The following TRPM6 variants were observed in gnomAD, a reference collection of about 807,000 sequenced individuals.
The protein encoded by TRPM6 is channel kinase 2.
A neutral mutation model predicts 247.6 loss-of-function variants in TRPM6; 111 were observed. The observed-to-expected ratio is 0.45, with a 90% CI of 0.38 to 0.52. The LOEUF (loss-of-function observed/expected upper bound fraction) is 0.52. TRPM6 is among the 20% of genes least tolerant of loss of function. TRPM6 has a pLI of 0.00. For synonymous variants in TRPM6, 892 were observed against 853.8 expected, an observed-to-expected ratio of 1.04 and a Z score of -0.78; for missense variants, 2,126 against 2,421.5, an observed-to-expected ratio of 0.88 and a Z score of 2.56.
At chr9:74,732,290 T>C (rs1340685675) in intron 37 of TRPM6, among the ~76,000 whole-genome samples, 5 of 152,202 alleles carry the variant, frequency 3.3e-5, no homozygotes, top group African/African-American at 1.2e-4. Context: ...AAGCATATGA[T>C]GGAAGATGCT....
intron 19 of TRPM6, among the ~76,000 whole-genome samples, chr9:74,789,860 C>A (rs1220340551): frequency 1.4e-5 from 2 of 147,566 alleles, no homozygotes; most frequent in Non-Finnish European, 3.0e-5. Flanking sequence ...ACTCAGGAGA[C>A]TGAGGCAAGA....
In TRPM6 at chr9:74,763,082, TAA is replaced by T; in HGVS notation, c.3587_3588del (p.Phe1196TyrfsTer33). On this transcript the variant is annotated frameshift_variant, in exon 26 of 39. Coordinates refer to ENST00000360774, the MANE Select transcript of TRPM6 (RefSeq NM_017662.5). LOFTEE classifies it high-confidence loss of function. ...QLKEMNEKVS[F>X]IKDSLLSLDS... is the part of the protein sequence containing the mutation. ...TCCAAAGACAGTAAGGAGTCCTTTA[TAA>T]AAGACACCTTTTCATTCATTTCTTT... The T allele has an allele frequency of 6.2e-7, 1 of 1,614,026 alleles. No individual in the cohort carries two copies. Among genetic ancestry groups the T allele is most frequent in the Non-Finnish European group, 8.5e-7 (1 of 1,180,024 alleles).
rs1826686444 is a variant in TRPM6, at chr9:74,762,606, A to G, written c.4065T>C (p.Pro1355=). Residue 1355 remains proline, a synonymous_variant, in exon 26 of 39, where the codon CCT becomes CCC. Coordinates refer to ENST00000360774, the MANE Select transcript of TRPM6 (RefSeq NM_017662.5). ...GAGGCAAGACAGTTTCTGCTGAAAA[A>G]GGAACTCGCTTTAGATTAGAGGGGA... ...LLVPSNLKRV[P]FSAETVLPLS... 2 of 1,614,090 alleles carry G rather than the reference A, an allele frequency of 1.2e-6. No homozygotes were observed. Among genetic ancestry groups the G allele is most frequent in the Non-Finnish European group, 8.5e-7 (1 of 1,180,048 alleles).
intron 27 of TRPM6, among the ~76,000 whole-genome samples, chr9:74,758,768 A>T (rs1217189359): frequency 2.0e-5 from 3 of 152,196 alleles, no homozygotes; most frequent in African/African-American, 7.2e-5. Context: ...ATATTATACC[A>T]GAGGTTCTGT....
chr9:74,886,900 C>T (rs1381492807), intron 1 of TRPM6, among the ~76,000 whole-genome samples: 1 of 152,202 alleles, frequency 6.6e-6, no homozygotes, highest in African/African-American at 2.4e-5. Flanking sequence ...ATGTTCTTAT[C>T]AGAGCAGGCT....
intron 19 of TRPM6, among the ~76,000 whole-genome samples, chr9:74,789,973 A>G (rs1827843414): frequency 1.1e-5 from 1 of 91,562 alleles, no homozygotes; most frequent in South Asian, 4.0e-4. Context: ...AAAAAAAAAA[A>G]AAAAAAAAAA....
rs192418648 is a variant in TRPM6 at position 74,871,193 on chromosome 9, A to C, written c.34-12445T>G. Among the ~76,000 whole-genome samples, 5 of 139,496 alleles carry C rather than the reference A, an allele frequency of 3.6e-5. No homozygotes were observed. The South Asian group carries it at 7.7e-4, about 21-fold the overall frequency. 91.5% of individuals were successfully genotyped at this position (139,496 alleles called of 152,430 possible). A position where few individuals can be genotyped will look rare whatever the true frequency, so the allele number is the denominator to read the frequency against. Reference sequence around the variant, plus strand: ...GCTCCTGGCAATTTTTTTCTAATAGATAATATTGCAAATGGTATAAAATCC... The same window carrying C: ...GCTCCTGGCAATTTTTTTCTAATAGCTAATATTGCAAATGGTATAAAATCC... On this transcript the variant is annotated intron_variant, in intron 1 of 38. Coordinates refer to ENST00000360774, the MANE Select transcript of TRPM6 (RefSeq NM_017662.5).
intron 3 of TRPM6, among the ~76,000 whole-genome samples, chr9:74,850,510 G>A (rs975160499): frequency 2.0e-5 from 3 of 148,294 alleles, no homozygotes; most frequent in East Asian, 2.1e-4. Flanking sequence ...ACATGAGGTC[G>A]GGAGTTCAAG....
rs1180094266 is a variant in TRPM6 at position 74,827,697 on chromosome 9, G to A, written c.841+81C>T. 6 of 1,448,230 alleles carry A rather than the reference G, an allele frequency of 4.1e-6. No homozygotes were observed. In the Admixed American group the frequency reaches 8.4e-5, roughly 20 times the overall value. The allele number at this position is 1,448,230 out of a possible 1,614,324, so 89.7% of individuals were successfully genotyped here. A position where few individuals can be genotyped will look rare whatever the true frequency, so the allele number is the denominator to read the frequency against. On this transcript the variant is annotated intron_variant, in intron 7 of 38. Transcript: ENST00000360774. Reference sequence around the variant, plus strand: ...TAGCTTGAGGGGACTAGGAGAGTGAGCTCTGATGGTCAGGGAAGACCATGA... The same window carrying A: ...TAGCTTGAGGGGACTAGGAGAGTGAACTCTGATGGTCAGGGAAGACCATGA...
intron 3 of TRPM6, among the ~76,000 whole-genome samples, chr9:74,847,271 G>A (rs1830142542): frequency 6.6e-6 from 1 of 152,142 alleles, no homozygotes; most frequent in African/African-American, 2.4e-5. Context: ...TGTGACCATG[G>A]CTCACTGCAG....
chr9:74,738,452 T>C lies in TRPM6; in HGVS notation c.5731A>G (p.Thr1911Ala). 6.2e-7 allele frequency: 1 copy of C among 1,614,058 alleles called. No individual in the cohort carries two copies. The highest frequency in any genetic ancestry group is 8.5e-7 in the Non-Finnish European group (1 of 1,179,966). ...EELMLAFSHW[T>A]YEYTRGELLV... ...AGCTCTCCCCGAGTGTACTCATAGG[T>C]CCAGTGAGAGAAAGCCAACATCAGC... is the stretch of plus-strand genomic sequence containing the variant. Residue 1911 changes from threonine (T) to alanine (A), a missense_variant, in exon 36 of 39, where the codon ACC becomes GCC. By Grantham distance (58) the Thr-to-Ala change is moderately conservative (BLOSUM62 0). Coordinates refer to ENST00000360774, the MANE Select transcript of TRPM6 (RefSeq NM_017662.5).
At chr9:74,754,911 T>C (rs1303941571) in intron 28 of TRPM6, among the ~76,000 whole-genome samples, 2 of 152,198 alleles carry the variant, frequency 1.3e-5, no homozygotes, top group South Asian at 2.1e-4. Context: ...TATTAAGAGA[T>C]AATTGCCCAC....
At chr9:74,736,504 C>T (rs535287725) in intron 36 of TRPM6, among the ~76,000 whole-genome samples, 4 of 152,164 alleles carry the variant, frequency 2.6e-5, no homozygotes, top group Admixed American at 1.3e-4. Context: ...TAATAATGCA[C>T]GTAAACCTTT....
At chr9:74,869,199 G>A (rs1416262393) in intron 1 of TRPM6, among the ~76,000 whole-genome samples, 2 of 152,092 alleles carry the variant, frequency 1.3e-5, no homozygotes, top group East Asian at 3.9e-4. Flanking sequence ...AAAAACAACA[G>A]TCAGGGCCGG....
intron 23 of TRPM6, among the ~76,000 whole-genome samples, chr9:74,776,740 C>A (rs188905459): frequency 2.6e-4 from 40 of 152,212 alleles, no homozygotes; most frequent in African/African-American, 8.7e-4. Context: ...TATTCTGAAA[C>A]AATATACCAT....
chr9:74,740,518 C>T (rs12379486), intron 33 of TRPM6, among the ~76,000 whole-genome samples: 18,213 of 152,200 alleles, frequency 0.12, 1,205 homozygotes, highest in Middle Eastern at 0.2. Context: ...TGTGCATATA[C>T]ATAATGACAT....
chr9:74,848,087 A>G (rs750336283), intron 3 of TRPM6, among the ~76,000 whole-genome samples: 9 of 152,174 alleles, frequency 5.9e-5, no homozygotes, highest in Non-Finnish European at 8.8e-5. Context: ...CAGCAGTAAA[A>G]CTGGCATGAA....
At chr9:74,818,738 T>C (rs1829037024) in intron 9 of TRPM6, among the ~76,000 whole-genome samples, 1 of 152,208 alleles carries the variant, frequency 6.6e-6, no homozygotes, top group African/African-American at 2.4e-5. Context: ...AAAGAATACA[T>C]TTAGAAGCAT....
chr9:74,812,302 A>G lies in TRPM6; in HGVS notation c.1440T>C (p.Asn480=), dbSNP rs1828760174. The G allele has an allele frequency of 6.2e-7, 1 of 1,613,620 alleles. No individual in the cohort carries two copies. Among genetic ancestry groups the G allele is most frequent in the East Asian group, 2.2e-5 (1 of 44,870 alleles). Residue 480 remains asparagine (N), a synonymous_variant, in exon 12 of 39, where the codon AAT becomes AAC. Coordinates refer to ENST00000360774, the MANE Select transcript of TRPM6 (RefSeq NM_017662.5). ...TGATGAAATGTTCCATACTCACTGT[A>G]TTGTAGAGCTCTTCCAGTCGAGGGA... ...LTIPRLEELY[N]TKQGPTNTLL... is the part of the protein sequence containing the mutation.
Sources: allele counts gnomAD v4.1 joint callset (sites outside exome capture counted in the v4.1 genomes callset), GRCh38; gene constraint gnomAD v4.1.1; transcripts MANE v1.5; gene names NCBI Gene and HGNC (gene_info 2026-07-23, HGNC 2026-07-21).